The following MTHFD2L variants were observed in gnomAD, a reference collection of about 807,000 sequenced individuals.
MTHFD2L encodes bifunctional methylenetetrahydrofolate dehydrogenase/cyclohydrolase 2, mitochondrial.
Under a neutral mutation model 34.9 loss-of-function variants are expected in MTHFD2L, and 29 were observed. The observed-to-expected ratio is 0.83, with a 90% CI of 0.62 to 1.13. The LOEUF (loss-of-function observed/expected upper bound fraction) is 1.13. Ranked by LOEUF, MTHFD2L falls within the 50% of genes most tolerant of loss-of-function variation. The pLI is 0.00. For synonymous variants in MTHFD2L, 167 were observed against 155.7 expected, an observed-to-expected ratio of 1.07 and a Z score of -0.54; for missense variants, 481 against 446.5, an observed-to-expected ratio of 1.08 and a Z score of -0.70.
chr4:74,301,441 CATGGAGCT>C (rs1312961024), intron 7 of MTHFD2L, among the ~76,000 whole-genome samples: 16 of 151,888 alleles, frequency 1.1e-4, no homozygotes, highest in Non-Finnish European at 2.1e-4. Context: ...AACTGAGCTG[CATGGAGCT>C]TGAACCTAGG....
upstream of MTHFD2L, chr4:74,123,290 A>G (rs1721847563): frequency 2.0e-5 from 3 of 152,314 alleles, no homozygotes; most frequent in South Asian, 2.1e-4. Flanking sequence ...GTCCCCAGGG[A>G]CAGCTAAGCA....
At chr4:74,256,312 T>C (rs958297431) in intron 6 of MTHFD2L, among the ~76,000 whole-genome samples, 3 of 152,104 alleles carry the variant, frequency 2.0e-5, no homozygotes, top group African/African-American at 7.2e-5. Flanking sequence ...GGTTTCATCA[T>C]GTTGGCCAGG....
chr4:74,227,278 C>T (rs1378441783), intron 6 of MTHFD2L, among the ~76,000 whole-genome samples: 1 of 152,204 alleles, frequency 6.6e-6, no homozygotes, highest in Non-Finnish European at 1.5e-5. Context: ...CACTGGGCTG[C>T]AGTAACACCA....
At chr4:74,279,976 G>A (rs1307854187) in intron 6 of MTHFD2L, among the ~76,000 whole-genome samples, 1 of 152,016 alleles carries the variant, frequency 6.6e-6, no homozygotes, top group Non-Finnish European at 1.5e-5. Context: ...ATGTTACAAG[G>A]TGACATTTAA....
chr4:74,177,070 A>C (rs1190927623), intron 3 of MTHFD2L, among the ~76,000 whole-genome samples: 1 of 151,976 alleles, frequency 6.6e-6, no homozygotes, highest in African/African-American at 2.4e-5. Flanking sequence ...AGAAGCTATC[A>C]GTTTTCCCCC....
At chr4:74,134,545 A>ATTATTAATAC (rs1475775196) in intron 1 of MTHFD2L, among the ~76,000 whole-genome samples, 2 of 152,190 alleles carry the variant, frequency 1.3e-5, no homozygotes, top group African/African-American at 4.8e-5. Context: ...GGACTAAATA[A>ATTATTAATAC]TTATTAATAC....
chr4:74,294,010 T>C (rs966769820), intron 7 of MTHFD2L, among the ~76,000 whole-genome samples: 9 of 152,110 alleles, frequency 5.9e-5, no homozygotes, highest in Admixed American at 4.6e-4. Context: ...CTTCTTCTTT[T>C]TGGGGGAGGG....
chr4:74,252,403 G>A (rs1743448087), intron 6 of MTHFD2L, among the ~76,000 whole-genome samples: 1 of 151,804 alleles, frequency 6.6e-6, no homozygotes, highest in Non-Finnish European at 1.5e-5. Flanking sequence ...ACAAACAACA[G>A]ACTTGACAAA....
At chr4:74,277,180 C>T (rs1746773783) in intron 6 of MTHFD2L, among the ~76,000 whole-genome samples, 2 of 149,048 alleles carry the variant, frequency 1.3e-5, no homozygotes, top group South Asian at 2.1e-4. Flanking sequence ...CACAGATATG[C>T]AGCAAGAATA....
chr4:74,293,882 G>A (rs1401798364), intron 7 of MTHFD2L, among the ~76,000 whole-genome samples: 1 of 152,116 alleles, frequency 6.6e-6, no homozygotes, highest in African/African-American at 2.4e-5. Context: ...TAGAAGCATG[G>A]GAAAATACTT....
chr4:74,186,718 G>A (rs1419044824), intron 3 of MTHFD2L, among the ~76,000 whole-genome samples: 1 of 152,008 alleles, frequency 6.6e-6, no homozygotes, highest in Non-Finnish European at 1.5e-5. Context: ...CCATGTTTAT[G>A]GATCAGAAGA....
At chr4:74,219,409 G>A (rs1182926325) in intron 5 of MTHFD2L, among the ~76,000 whole-genome samples, 2 of 152,062 alleles carry the variant, frequency 1.3e-5, no homozygotes, top group African/African-American at 4.8e-5. Flanking sequence ...GTCATCTGAA[G>A]GTCAGAGATA....
chr4:74,187,800 T>TACACACACACACAC (rs61173269), intron 3 of MTHFD2L, among the ~76,000 whole-genome samples: 2,028 of 144,304 alleles, frequency 0.014, 50 homozygotes, highest in African/African-American at 0.036. Context: ...CCTGTGTATT[T>TACACACACACACAC]ACACACACAC....
intron 3 of MTHFD2L, among the ~76,000 whole-genome samples, chr4:74,177,721 G>A (rs1044268410): frequency 6.6e-5 from 10 of 151,692 alleles, no homozygotes; most frequent in African/African-American, 2.2e-4. Flanking sequence ...ATAGAATACC[G>A]TATGATCAAA....
chr4:74,164,848 C>T, intron 1 of MTHFD2L: 1 of 387,964 alleles, frequency 2.6e-6, no homozygotes, highest in Non-Finnish European at 3.5e-6. Flanking sequence ...CTGATGAAGC[C>T]ACATTTCGTG....
intron 5 of MTHFD2L, among the ~76,000 whole-genome samples, chr4:74,208,722 C>G (rs935066438): frequency 1.3e-5 from 2 of 152,168 alleles, no homozygotes; most frequent in Admixed American, 1.3e-4. Flanking sequence ...ACAGGAAAGG[C>G]CAGGCTCCTA....
rs114717139 is a variant in MTHFD2L at position 74,239,706 on chromosome 4, C to A, written c.805+14312C>A. The stretch of plus-strand genomic sequence containing the variant: ...TTTCTCTGAGTGTGCAGATTGCAGG[C>A]AATTCACTTAGAATTTTATTAATAT... On this transcript the variant is annotated intron_variant, in intron 6 of 7. Coordinates refer to ENST00000325278, the MANE Select transcript of MTHFD2L (RefSeq NM_001144978.3). Among the ~76,000 whole-genome samples the A allele has an allele frequency of 6.0e-3, 920 of 152,160 alleles. 8 individuals are homozygous for A. The highest frequency in any genetic ancestry group is 0.021 in the African/African-American group (873 of 41,488).
At chr4:74,277,489 G>T (rs975219886) in intron 6 of MTHFD2L, among the ~76,000 whole-genome samples, 1 of 152,060 alleles carries the variant, frequency 6.6e-6, no homozygotes, top group African/African-American at 2.4e-5. Context: ...CTGTTAAGTG[G>T]CAGGGGAAAG....
intron 6 of MTHFD2L, among the ~76,000 whole-genome samples, chr4:74,256,299 T>C (rs924186060): frequency 6.6e-6 from 1 of 152,050 alleles, no homozygotes; most frequent in Non-Finnish European, 1.5e-5. Context: ...TTAATAGAGA[T>C]GGGGTTTCAT....
Sources: gnomAD v4.1 joint callset for allele counts (sites outside exome capture counted in the v4.1 genomes callset) on GRCh38, gnomAD v4.1.1 for gene constraint, MANE v1.5 for transcripts, NCBI Gene and HGNC (gene_info 2026-07-23, HGNC 2026-07-21) for gene names.